The following LINGO1 variants were observed in gnomAD, a reference collection of about 807,000 sequenced individuals.
LINGO1 encodes the protein leucine-rich repeat and immunoglobulin-like domain-containing nogo receptor-interacting protein 1.
A neutral mutation model predicts 37.3 loss-of-function variants in LINGO1; 11 were observed. The observed-to-expected ratio is 0.29, with a 90% confidence interval of 0.19 to 0.49. The LOEUF is 0.49. Among genes scored for constraint, LINGO1 ranks in the 20% least tolerant of loss-of-function variants. The probability of loss-of-function intolerance (pLI) is 0.99; values close to 1 mark genes in which losing one functional copy is unlikely to be tolerated. For missense variants in LINGO1, 585 were observed against 878.2 expected, an observed-to-expected ratio of 0.67 and a Z score of 4.22; for synonymous variants, 387 against 403.0, an observed-to-expected ratio of 0.96 and a Z score of 0.48.
At chr15:77,683,575 C>T (rs928457713) in intron 2 of LINGO1, among the ~76,000 whole-genome samples, 1 of 152,106 alleles carries the variant, frequency 6.6e-6, no homozygotes, top group Non-Finnish European at 1.5e-5. Context: ...TTGACTGATG[C>T]CCACAATATA....
chr15:77,747,348 T>G (rs1458269794), intron 1 of LINGO1, among the ~76,000 whole-genome samples: 1 of 151,988 alleles, frequency 6.6e-6, no homozygotes, highest in African/African-American at 2.4e-5. Context: ...GTGGGTGCTG[T>G]CTTAATGAAC....
chr15:77,702,559 T>C (rs2075798273), intron 2 of LINGO1, among the ~76,000 whole-genome samples: 1 of 152,088 alleles, frequency 6.6e-6, no homozygotes, highest in Admixed American at 6.5e-5. Flanking sequence ...CTGCACCCTC[T>C]CAATGAGACC....
intron 3 of LINGO1, among the ~76,000 whole-genome samples, chr15:77,672,518 C>T (rs1596085701): frequency 6.6e-6 from 1 of 152,106 alleles, no homozygotes; most frequent in Admixed American, 6.5e-5. Context: ...TGTCAGGGGG[C>T]GCTCTGTGCC....
chr15:77,667,356 T>C (rs1485736596), intron 3 of LINGO1, among the ~76,000 whole-genome samples: 1 of 152,154 alleles, frequency 6.6e-6, no homozygotes, highest in Non-Finnish European at 1.5e-5. Flanking sequence ...CTGAGGTTTG[T>C]GGATCTTCCC....
rs552745995 is a variant in LINGO1 at position 77,797,657 on chromosome 15, G to A, written c.-457-1604C>T. ...GGGCAAGCAGCTTCCGCCTTCCCTG[G>A]AGGGCCAGACCAGCCCCTCCTTTCT... On this transcript the variant is annotated intron_variant, in intron 1 of 5. Coordinates refer to the LINGO1 transcript ENST00000562933. Among the ~76,000 whole-genome samples, 3 of 152,330 alleles carry A rather than the reference G, an allele frequency of 2.0e-5. No homozygotes were observed. In the East Asian group the frequency reaches 5.8e-4, roughly 29 times the overall value.
chr15:77,661,664 A>G (rs1337920924), intron 3 of LINGO1, among the ~76,000 whole-genome samples: 2 of 152,352 alleles, frequency 1.3e-5, no homozygotes, highest in South Asian at 2.1e-4. Flanking sequence ...AACAGCCTGA[A>G]GTGTGCCTCA....
At chr15:77,743,218 C>T (rs1596179501) in intron 1 of LINGO1, among the ~76,000 whole-genome samples, 2 of 152,156 alleles carry the variant, frequency 1.3e-5, no homozygotes, top group East Asian at 3.9e-4. Context: ...CCTTTCCCTC[C>T]TCCCTCCATC....
intron 1 of LINGO1, among the ~76,000 whole-genome samples, chr15:77,763,285 C>T (rs527580418): frequency 6.6e-6 from 1 of 152,218 alleles, no homozygotes; most frequent in Non-Finnish European, 1.5e-5. Context: ...CTGGGTGTGC[C>T]AGGAGGTAGA....
intron 1 of LINGO1, among the ~76,000 whole-genome samples, chr15:77,771,945 C>T (rs1321902968): frequency 6.6e-6 from 1 of 152,250 alleles, no homozygotes; most frequent in Non-Finnish European, 1.5e-5. Flanking sequence ...CATCCCCCTC[C>T]AGCCTGGCTC....
chr15:77,692,370 G>A (rs1473740290), intron 1 of LINGO1, among the ~76,000 whole-genome samples: 1 of 152,198 alleles, frequency 6.6e-6, no homozygotes, highest in Non-Finnish European at 1.5e-5. Context: ...GAGGACAAGG[G>A]GGCAGGGAGG....
chr15:77,700,768 G>A (rs1318190266), upstream of LINGO1, among the ~76,000 whole-genome samples: 1 of 152,216 alleles, frequency 6.6e-6, no homozygotes, highest in Non-Finnish European at 1.5e-5. Flanking sequence ...CCAAGCCAGA[G>A]CCAGCAAGGT....
chr15:77,736,619 A>T (rs1386292613), intron 1 of LINGO1, among the ~76,000 whole-genome samples: 4 of 152,060 alleles, frequency 2.6e-5, no homozygotes, highest in Non-Finnish European at 5.9e-5. Flanking sequence ...AAATTAATTT[A>T]AAAAATTAGC....
chr15:77,662,501 C>T (rs1354124988), intron 3 of LINGO1, among the ~76,000 whole-genome samples: 1 of 152,132 alleles, frequency 6.6e-6, no homozygotes, highest in African/African-American at 2.4e-5. Context: ...CAATACCCTC[C>T]ACCCTCTCTT....
chr15:77,763,696 C>T (rs1308584892), intron 1 of LINGO1, among the ~76,000 whole-genome samples: 1 of 152,186 alleles, frequency 6.6e-6, no homozygotes, highest in Non-Finnish European at 1.5e-5. Flanking sequence ...TCCCCCAGGG[C>T]TGCATCTGCA....
intron 3 of LINGO1, among the ~76,000 whole-genome samples, chr15:77,656,668 C>T (rs901605611): frequency 1.3e-5 from 2 of 152,190 alleles, no homozygotes; most frequent in Non-Finnish European, 2.9e-5. Flanking sequence ...CCAGTCCTGT[C>T]CTCGGCCCTC....
At chr15:77,783,145 C>T (rs986047031) in intron 1 of LINGO1, among the ~76,000 whole-genome samples, 1 of 152,190 alleles carries the variant, frequency 6.6e-6, no homozygotes, top group African/African-American at 2.4e-5. Flanking sequence ...CTCATTCAGC[C>T]CCAGCCACTC....
intron 1 of LINGO1, among the ~76,000 whole-genome samples, chr15:77,808,135 TC>T (rs1244877573): frequency 1.3e-5 from 2 of 151,120 alleles, no homozygotes; most frequent in Non-Finnish European, 2.9e-5. Flanking sequence ...CCACCAGAGA[TC>T]CATTCTGTAA....
At chr15:77,785,174 G>C (rs554970370) in intron 1 of LINGO1, 1 of 152,240 alleles carries the variant, frequency 6.6e-6, no homozygotes, top group Non-Finnish European at 1.5e-5. Flanking sequence ...GTCTGACTCA[G>C]GGCCTGGCAC....
At chr15:77,702,263 C>G (rs2075793794) in intron 2 of LINGO1, among the ~76,000 whole-genome samples, 1 of 152,198 alleles carries the variant, frequency 6.6e-6, no homozygotes, top group African/African-American at 2.4e-5. Context: ...GTCATCCTGT[C>G]TGCAACATGA....
Sources: gnomAD v4.1 joint callset for allele counts (sites outside exome capture counted in the v4.1 genomes callset) on GRCh38, gnomAD v4.1.1 for gene constraint, MANE v1.5 for transcripts, NCBI Gene and HGNC (gene_info 2026-07-23, HGNC 2026-07-21) for gene names.